Variants in PPP2R5D observed in about 807,000 individuals in gnomAD.
The protein encoded by PPP2R5D is serine/threonine-protein phosphatase 2A 56 kDa regulatory subunit delta isoform.
A neutral mutation model predicts 79.1 loss-of-function variants in PPP2R5D; 12 were observed. That is an observed-to-expected ratio of 0.15 (90% CI 0.10 to 0.25). The LOEUF (loss-of-function observed/expected upper bound fraction) is 0.25. Among genes scored for constraint, PPP2R5D ranks in the 10% least tolerant of loss-of-function variants. The pLI is 1.00. For missense variants in PPP2R5D, 419 were observed against 760.2 expected (o/e 0.55, Z 5.28); for synonymous variants, 277 against 286.6 (o/e 0.97, Z 0.34).
chr6:42,990,778 C>T (rs1372061022), intron 2 of PPP2R5D, among the ~76,000 whole-genome samples: 1 of 134,190 alleles, frequency 7.5e-6, no homozygotes, highest in Non-Finnish European at 1.5e-5. Flanking sequence ...GGTACGATCT[C>T]GGCTCACTGC....
At chr6:42,989,968 C>G (rs1361557962) in intron 2 of PPP2R5D, among the ~76,000 whole-genome samples, 1 of 151,974 alleles carries the variant, frequency 6.6e-6, no homozygotes, top group Non-Finnish European at 1.5e-5. Context: ...TTTCTTAGGG[C>G]AAAAAGCGGG....
chr6:42,995,746 C>T (rs150705452), intron 2 of PPP2R5D, among the ~76,000 whole-genome samples: 6 of 150,294 alleles, frequency 4.0e-5, no homozygotes, highest in African/African-American at 1.2e-4. Flanking sequence ...TTTTGGGTCT[C>T]ACTGTGTTCC....
intron 2 of PPP2R5D, among the ~76,000 whole-genome samples, chr6:42,990,816 T>G (rs1434926926): frequency 3.4e-5 from 5 of 146,392 alleles, no homozygotes; most frequent in African/African-American, 1.3e-4. Context: ...TTCAAGCAAT[T>G]CTCCTGCCTC....
chr6:42,984,850 G>T, intron 1 of PPP2R5D, 146 bp downstream of exon 1: 1 of 1,311,114 alleles, frequency 7.6e-7, no homozygotes, highest in Admixed American at 2.9e-5. Flanking sequence ...CGCCCCCGCG[G>T]CTGGCAGCAC....
Position 43,010,634 on chromosome 6 carries a change from C to G in PPP2R5D, c.1482-30C>G. The G allele has an allele frequency of 6.2e-7, 1 of 1,613,732 alleles. No homozygotes were observed. The highest frequency in any genetic ancestry group is 1.3e-5 in the African/African-American group (1 of 75,020). On this transcript the variant is annotated intron_variant, in intron 13 of 15. Transcript: ENST00000485511. The surrounding 1 kb of genome is among the most constrained non-coding windows in gnomAD (Gnocchi z 4.7). ...ACCAGCTCACTGTGTTTCTCTCAAG[C>G]CCAACCCCAATCCTACTTTTGCTCC...
In PPP2R5D at chr6:43,008,813, C is replaced by G. The variant is rs1581857834; in HGVS notation, c.1080+67C>G. 1 of 1,536,310 alleles carries G rather than the reference C, an allele frequency of 6.5e-7. No homozygotes were observed. The highest frequency in any genetic ancestry group is 1.7e-5 in the Admixed American group (1 of 57,408). On this transcript the variant is annotated intron_variant, in intron 10 of 15. Coordinates refer to ENST00000485511, the MANE Select transcript of PPP2R5D (RefSeq NM_006245.4). The surrounding 1 kb of genome is among the most constrained non-coding windows in gnomAD (Gnocchi z 4.2). Reference sequence around the variant, plus strand: ...AGCATCACTTGCCAGTCTGTACCTACTGGGGGTGCCATAAGGGGGAACTCA... The same window carrying G: ...AGCATCACTTGCCAGTCTGTACCTAGTGGGGGTGCCATAAGGGGGAACTCA...
At position 42,984,614 on chromosome 6, in the gene PPP2R5D, C is replaced by A; in HGVS notation, c.-64C>A. 6.5e-7 allele frequency: 1 copy of A among 1,548,284 alleles called. No homozygotes were observed. Among genetic ancestry groups the A allele is most frequent in the Non-Finnish European group, 8.7e-7 (1 of 1,147,830 alleles). ...GAAGAGACGCCGAGCGGGCCGAGTG[C>A]GGCCGAGCAAAGCCGGAGCCGGAGC... On this transcript the variant is annotated 5_prime_UTR_variant, in exon 1 of 16. Transcript: ENST00000485511.
chr6:42,996,967 C>T (rs1441032249), intron 2 of PPP2R5D, among the ~76,000 whole-genome samples: 1 of 151,894 alleles, frequency 6.6e-6, no homozygotes, highest in African/African-American at 2.4e-5. Flanking sequence ...ATATTAAATA[C>T]TTTCTATAGT....
chr6:43,001,835 T>C (rs59541897), intron 2 of PPP2R5D, among the ~76,000 whole-genome samples: 42,751 of 148,534 alleles, frequency 0.29, 9,981 homozygotes, highest in African/African-American at 0.65. Flanking sequence ...TGCAGTGAGC[T>C]GAGATTGCGC....
intron 2 of PPP2R5D, among the ~76,000 whole-genome samples, chr6:42,990,178 C>T (rs376382022): frequency 9.2e-5 from 14 of 152,280 alleles, no homozygotes; most frequent in South Asian, 6.2e-4. Context: ...TTCAGCGCAG[C>T]TTAGCAATCT....
chr6:42,990,769 G>A (rs1246259878), intron 2 of PPP2R5D, among the ~76,000 whole-genome samples: 1 of 128,652 alleles, frequency 7.8e-6, no homozygotes. Context: ...GAGTGCAATG[G>A]TACGATCTCG....
chr6:42,992,736 C>T (rs1459022606), intron 2 of PPP2R5D, among the ~76,000 whole-genome samples: 4 of 151,964 alleles, frequency 2.6e-5, no homozygotes, highest in Admixed American at 2.0e-4. Flanking sequence ...GGCGGAGGAT[C>T]GCTTGAGTCC....
At chr6:42,985,493 T>C (rs1390924353) in intron 1 of PPP2R5D, among the ~76,000 whole-genome samples, 1 of 152,222 alleles carries the variant, frequency 6.6e-6, no homozygotes, top group African/African-American at 2.4e-5. Flanking sequence ...GCCTCTTTTG[T>C]ATCAAAGCCC....
chr6:42,986,215 T>C (rs960821491), intron 1 of PPP2R5D, among the ~76,000 whole-genome samples: 1 of 152,172 alleles, frequency 6.6e-6, no homozygotes, highest in East Asian at 1.9e-4. Context: ...TGTGGTTCCT[T>C]TGAGGTACAG....
intron 2 of PPP2R5D, among the ~76,000 whole-genome samples, chr6:42,998,443 T>C (rs1771946345): frequency 6.6e-6 from 1 of 152,058 alleles, no homozygotes; most frequent in Admixed American, 6.6e-5. Flanking sequence ...TAGGCACGTT[T>C]AGTTGGAATT....
chr6:42,993,524 GC>G (rs1308154138), intron 2 of PPP2R5D, among the ~76,000 whole-genome samples: 3 of 152,258 alleles, frequency 2.0e-5, no homozygotes, highest in African/African-American at 7.2e-5. Flanking sequence ...AGCTCTGGAG[GC>G]CAAAAGTTGT....
chr6:42,985,880 C>T (rs1395322642), intron 1 of PPP2R5D, among the ~76,000 whole-genome samples: 2 of 151,232 alleles, frequency 1.3e-5, no homozygotes, highest in East Asian at 1.9e-4. Flanking sequence ...TAGCTTCAAG[C>T]GATTCTCCTG....
intron 1 of PPP2R5D, among the ~76,000 whole-genome samples, chr6:42,989,147 A>G (rs917366957): frequency 6.6e-5 from 10 of 152,180 alleles, no homozygotes; most frequent in Non-Finnish European, 1.5e-4. Context: ...GTGACATCCA[A>G]AAATTGCCTC....
Position 43,006,075 on chromosome 6 carries a change from CT to C in PPP2R5D, c.106-386del. 6.6e-6 allele frequency among the ~76,000 whole-genome samples: 1 copy of C among 152,302 alleles called. No homozygotes were observed. The highest frequency in any genetic ancestry group is 1.9e-4 in the East Asian group (1 of 5,190). ...ATTACTCAGAAGGCTCCTCATGTCT[CT>C]TCTTATTCCTCATGTGTCTTCTTAT... On this transcript the variant is annotated intron_variant, in intron 2 of 15. Transcript: ENST00000485511. This position sits in a 1 kb window ranked among gnomAD's most constrained non-coding sequence, Gnocchi z 4.7.
Sources: allele counts gnomAD v4.1 joint callset (sites outside exome capture counted in the v4.1 genomes callset), GRCh38; gene constraint gnomAD v4.1.1; non-coding constraint Gnocchi (gnomAD v3.1); transcripts MANE v1.5; gene names NCBI Gene and HGNC (gene_info 2026-07-23, HGNC 2026-07-21).